Variants in DACH1 observed in about 807,000 individuals in gnomAD.
DACH1 encodes the protein dachshund family transcription factor 1, also known as dachshund homolog 1.
Under a neutral mutation model 54.2 loss-of-function variants are expected in DACH1, and 12 were observed. That is an observed-to-expected ratio of 0.22 (90% CI 0.14 to 0.36). The LOEUF (loss-of-function observed/expected upper bound fraction) is 0.36, where lower values mean the gene tolerates loss of function less well. Among genes scored for constraint, DACH1 ranks in the 10% least tolerant of loss-of-function variants. DACH1 has a pLI of 1.00. For synonymous variants in DACH1, 386 were observed against 366.2 expected (o/e 1.05, Z -0.62); for missense variants, 805 against 929.8 (o/e 0.87, Z 1.75).
chr13:71,640,569 T>C (rs1217320491), intron 2 of DACH1, among the ~76,000 whole-genome samples: 1 of 152,078 alleles, frequency 6.6e-6, no homozygotes, highest in Non-Finnish European at 1.5e-5. Flanking sequence ...TGACTCTAAT[T>C]TTCTTTTAAG....
chr13:71,817,291 A>C (rs1467934559), intron 1 of DACH1, among the ~76,000 whole-genome samples: 1 of 152,210 alleles, frequency 6.6e-6, no homozygotes, highest in Non-Finnish European at 1.5e-5. Context: ...TGGATGGCCC[A>C]TATGCCAGCT....
intron 1 of DACH1, among the ~76,000 whole-genome samples, chr13:71,729,955 C>G (rs546394065): frequency 3.3e-5 from 5 of 152,024 alleles, no homozygotes; most frequent in South Asian, 2.1e-4. Context: ...TATTGCGGCT[C>G]CACTCAAAAA....
intron 6 of DACH1, among the ~76,000 whole-genome samples, chr13:71,517,370 A>G (rs999620053): frequency 2.0e-5 from 3 of 151,940 alleles, no homozygotes; most frequent in Non-Finnish European, 4.4e-5. Context: ...CTTAAAAGAA[A>G]GAAATTAACT....
At chr13:71,743,403 C>T (rs367859777) in intron 1 of DACH1, among the ~76,000 whole-genome samples, 15 of 152,284 alleles carry the variant, frequency 9.9e-5, no homozygotes, top group African/African-American at 3.6e-4. Flanking sequence ...TCAAGGGTTG[C>T]TGTTTCTATA....
rs151014908 is a variant in DACH1, at chr13:71,525,674, G to A, written c.1570+31350C>T. ...TTTAAGTATTTGTCAGGCTGGAACC[G>A]ATTAGTTACTTTAGCTTTTAGATTT... On this transcript the variant is annotated intron_variant, in intron 6 of 10. Transcript: ENST00000613252. Among the ~76,000 whole-genome samples the A allele has an allele frequency of 9.8e-4, 149 of 152,134 alleles. No homozygotes were observed. In the Middle Eastern group the frequency reaches 0.01, roughly 10 times the overall value.
intron 3 of DACH1, among the ~76,000 whole-genome samples, chr13:71,621,070 T>A (rs901117840): frequency 6.6e-6 from 1 of 151,952 alleles, no homozygotes; most frequent in African/African-American, 2.4e-5. Context: ...GTTATCTATG[T>A]GCATATATAT....
intron 3 of DACH1, 128 bp downstream of exon 3, chr13:71,630,428 A>G: frequency 7.1e-7 from 1 of 1,401,260 alleles, no homozygotes; most frequent in Non-Finnish European, 9.3e-7. Context: ...ATCCTCAAAC[A>G]TACAGTGTTT....
At chr13:71,461,307 C>G (rs1876052540) in intron 10 of DACH1, among the ~76,000 whole-genome samples, 1 of 152,000 alleles carries the variant, frequency 6.6e-6, no homozygotes, top group South Asian at 2.1e-4. Context: ...GAATTCAAAG[C>G]AGTTAGGAGA....
At chr13:71,623,056 A>T (rs1209661372) in intron 3 of DACH1, among the ~76,000 whole-genome samples, 3 of 151,860 alleles carry the variant, frequency 2.0e-5, no homozygotes. Flanking sequence ...ATAGGAAACT[A>T]GTACATGTTA....
At chr13:71,596,914 A>AG (rs757800604) in intron 3 of DACH1, among the ~76,000 whole-genome samples, 16 of 152,234 alleles carry the variant, frequency 1.1e-4, no homozygotes, top group Non-Finnish European at 2.2e-4. Context: ...GGGGCATAAA[A>AG]GAAGTGTGCA....
intron 6 of DACH1, among the ~76,000 whole-genome samples, chr13:71,555,102 T>C (rs1884153904): frequency 6.6e-6 from 1 of 152,152 alleles, no homozygotes; most frequent in Non-Finnish European, 1.5e-5. Context: ...CTGACATTCA[T>C]TGTATAACAT....
In DACH1 at chr13:71,516,800, C is replaced by A. The variant is rs545135853; in HGVS notation, c.1571-27652G>T. On this transcript the variant is annotated intron_variant, in intron 6 of 10. Coordinates refer to ENST00000613252, the MANE Select transcript of DACH1 (RefSeq NM_080759.6). ...CTATTTATTTCATCCATCTCCAGAG[C>A]AGATTGAGCAAAAACATTAGAGATT... Among the ~76,000 whole-genome samples the A allele has an allele frequency of 4.6e-5, 7 of 151,896 alleles. No individual in the cohort carries two copies. The South Asian group carries it at 1.2e-3, about 27-fold the overall frequency.
chr13:71,516,701 G>A (rs930535255), intron 6 of DACH1, among the ~76,000 whole-genome samples: 5 of 151,694 alleles, frequency 3.3e-5, no homozygotes, highest in African/African-American at 9.7e-5. Flanking sequence ...TACAACAGCC[G>A]CTCCCTGCCC....
chr13:71,464,412 A>G (rs954789430), intron 10 of DACH1, among the ~76,000 whole-genome samples: 2 of 152,034 alleles, frequency 1.3e-5, no homozygotes, highest in African/African-American at 2.4e-5. Flanking sequence ...AAGACTAAAG[A>G]GATTTTTTGA....
chr13:71,471,515 C>T (rs1044211091), intron 10 of DACH1, among the ~76,000 whole-genome samples: 5 of 152,036 alleles, frequency 3.3e-5, no homozygotes, highest in African/African-American at 4.8e-5. Flanking sequence ...AATCCCAGCA[C>T]TTTGGGAGGC....
rs189349381 is a variant in DACH1, at chr13:71,602,518, C to T, written c.1126+28038G>A. Reference sequence around the variant, plus strand: ...TTATGTTTTCTTCATGCTGCTTTGTCCGCCATGGGAGCAAAATTGTATTTG... The same window carrying T: ...TTATGTTTTCTTCATGCTGCTTTGTTCGCCATGGGAGCAAAATTGTATTTG... On this transcript the variant is annotated intron_variant, in intron 3 of 10. Coordinates refer to ENST00000613252, the MANE Select transcript of DACH1 (RefSeq NM_080759.6). Among the ~76,000 whole-genome samples the T allele has an allele frequency of 2.5e-3, 386 of 152,048 alleles. 2 individuals carry two copies. The highest frequency in any genetic ancestry group is 0.015 in the South Asian group (72 of 4,826).
At chr13:71,827,406 C>A (rs1594270885) in intron 1 of DACH1, among the ~76,000 whole-genome samples, 1 of 152,038 alleles carries the variant, frequency 6.6e-6, no homozygotes, top group South Asian at 2.1e-4. Flanking sequence ...GCCTTCAATG[C>A]CAAGATGGCA....
chr13:71,562,230 A>G (rs1031397128), intron 4 of DACH1, among the ~76,000 whole-genome samples: 9 of 152,304 alleles, frequency 5.9e-5, no homozygotes, highest in Non-Finnish European at 8.8e-5. Context: ...GATCGGGGTT[A>G]ACAATTAAGT....
At chr13:71,655,448 G>T (rs972362372) in intron 2 of DACH1, among the ~76,000 whole-genome samples, 1 of 148,564 alleles carries the variant, frequency 6.7e-6, no homozygotes, top group Non-Finnish European at 1.5e-5. Flanking sequence ...TCGGCTCACC[G>T]CAACCTCTGC....
Sources: allele counts gnomAD v4.1 joint callset (sites outside exome capture counted in the v4.1 genomes callset), GRCh38; gene constraint gnomAD v4.1.1; transcripts MANE v1.5; gene names NCBI Gene and HGNC (gene_info 2026-07-23, HGNC 2026-07-21).